The following TACC2 variants were observed in gnomAD, a reference collection of about 807,000 sequenced individuals.
The protein encoded by TACC2 is transforming acidic coiled-coil-containing protein 2.
A neutral mutation model predicts 227.3 loss-of-function variants in TACC2; 137 were observed. The observed-to-expected ratio is 0.60, with a 90% CI of 0.52 to 0.69. The LOEUF (loss-of-function observed/expected upper bound fraction) is 0.69, where lower values mean the gene tolerates loss of function less well. Ranked by LOEUF, TACC2 falls within the 30% of genes least tolerant of loss-of-function variation. The pLI is 0.00. For synonymous variants in TACC2, 1,523 were observed against 1,487.5 expected (o/e 1.02, Z -0.55); for missense variants, 3,470 against 3,694.4 (o/e 0.94, Z 1.57).
chr10:122,232,869 A>G (rs923679230), intron 16 of TACC2, among the ~76,000 whole-genome samples: 7 of 152,188 alleles, frequency 4.6e-5, no homozygotes, highest in African/African-American at 1.4e-4. Flanking sequence ...CATATATTTC[A>G]GCGGTAGGTG....
intron 3 of TACC2, among the ~76,000 whole-genome samples, chr10:122,064,821 T>C (rs2136522985): frequency 6.6e-6 from 1 of 152,330 alleles, no homozygotes; most frequent in East Asian, 1.9e-4. Flanking sequence ...TCCTTTTTTA[T>C]TGGTATCAGA....
chr10:122,083,998 C>A lies in TACC2; in HGVS notation c.1498C>A (p.His500Asn), dbSNP rs200528151. 6.2e-7 allele frequency: 1 copy of A among 1,614,066 alleles called. No individual in the cohort carries two copies. The highest frequency in any genetic ancestry group is 2.2e-5 in the East Asian group (1 of 44,874). The change falls in exon 4 of 23, where the codon CAC (histidine) becomes AAC (asparagine). Residue 500 changes from histidine to asparagine, a missense_variant. Transcript: ENST00000369005. ...CCCATCACCCCAGGAGAGGGGAGAG[C>A]ACTTGAACACGGAGCAAAGCCATGA... Reference protein sequence around the residue: ...PAPSPQERGEHLNTEQSHEVQ... With the variant: ...PAPSPQERGENLNTEQSHEVQ...
intron 16 of TACC2, among the ~76,000 whole-genome samples, chr10:122,235,220 T>C (rs1323710121): frequency 6.6e-6 from 1 of 152,234 alleles, no homozygotes; most frequent in African/African-American, 2.4e-5. Flanking sequence ...CCCCAGTAGC[T>C]GGGATTACAG....
chr10:122,189,168 T>C (rs2094322771), intron 7 of TACC2, among the ~76,000 whole-genome samples: 1 of 152,120 alleles, frequency 6.6e-6, no homozygotes, highest in African/African-American at 2.4e-5. Context: ...GAGGTGTGTG[T>C]GTGTGCAGAG....
chr10:122,041,182 C>T (rs1205391416), intron 2 of TACC2, among the ~76,000 whole-genome samples: 1 of 152,142 alleles, frequency 6.6e-6, no homozygotes, highest in Non-Finnish European at 1.5e-5. Flanking sequence ...AGGAAAGTGC[C>T]ATATATATGT....
intron 1 of TACC2, among the ~76,000 whole-genome samples, chr10:122,010,252 T>A (rs1016671021): frequency 1.3e-5 from 2 of 152,224 alleles, no homozygotes; most frequent in African/African-American, 4.8e-5. Context: ...TTCTTCATGA[T>A]GTTGATACTG....
chr10:122,085,379 G>A lies in TACC2; in HGVS notation c.2879G>A (p.Arg960Lys), dbSNP rs112188313. 8,056 of 1,613,972 alleles carry A rather than the reference G, an allele frequency of 5.0e-3. 50 individuals carry two copies. The highest frequency in any genetic ancestry group is 4.4e-3 in the Non-Finnish European group (5,181 of 1,180,044). The part of the protein sequence containing the change: ...EGACGDGQSS[R>K]VSPPAADVLK... Reference sequence around the variant, plus strand: ...GCATGCGGTGATGGTCAGTCCTCGAGGGTCTCGCCTCCAGCAGCAGATGTC... The same window carrying A: ...GCATGCGGTGATGGTCAGTCCTCGAAGGTCTCGCCTCCAGCAGCAGATGTC... The change falls in exon 4 of 23, where the codon AGG (arginine) becomes AAG (lysine). Residue 960 changes from arginine (R) to lysine (K), a missense_variant. By Grantham distance (26) the Arg-to-Lys change is conservative. Coordinates refer to ENST00000369005, the MANE Select transcript of TACC2 (RefSeq NM_206862.4).
intron 16 of TACC2, 23 bp downstream of exon 16, chr10:122,230,463 G>T: frequency 6.2e-7 from 1 of 1,604,740 alleles, no homozygotes; most frequent in Non-Finnish European, 8.5e-7. Flanking sequence ...TGCTGCGTGC[G>T]CCACCTCCTG....
chr10:122,172,952 A>T (rs1592910694), intron 7 of TACC2, among the ~76,000 whole-genome samples: 1 of 152,114 alleles, frequency 6.6e-6, no homozygotes, highest in African/African-American at 2.4e-5. Context: ...AAGGCTTGTG[A>T]CCAGGAGCCT....
rs111727851 is a variant in TACC2 at position 122,124,150 on chromosome 10, G to A, written c.5574-8459G>A. Among the ~76,000 whole-genome samples the A allele has an allele frequency of 6.7e-3, 1,018 of 152,192 alleles. 11 individuals carry two copies. Among genetic ancestry groups the A allele is most frequent in the African/African-American group, 0.022 (919 of 41,502 alleles). The stretch of plus-strand genomic sequence containing the variant: ...TTAAACATAAATCAGTAATAATACC[G>A]GAGGTCTAAGGTTTTATGTGCAAGG... On this transcript the variant is annotated intron_variant, in intron 5 of 22. Transcript: ENST00000369005.
intron 21 of TACC2, 64 bp from the exon 22 acceptor site, chr10:122,249,480 G>A: frequency 6.3e-7 from 1 of 1,581,382 alleles, no homozygotes; most frequent in Non-Finnish European, 8.6e-7. Flanking sequence ...CTGGACCTGG[G>A]AAGCAGGAGG....
chr10:122,043,483 T>TTC (rs1173684852), intron 2 of TACC2, among the ~76,000 whole-genome samples: 27 of 148,152 alleles, frequency 1.8e-4, no homozygotes, highest in African/African-American at 5.9e-4. Flanking sequence ...CTTTTTCTCT[T>TTC]TCTTTTTCTT....
intron 7 of TACC2, among the ~76,000 whole-genome samples, chr10:122,179,660 G>A (rs1178016411): frequency 6.6e-6 from 1 of 152,122 alleles, no homozygotes; most frequent in African/African-American, 2.4e-5. Flanking sequence ...CAACTCAGGG[G>A]CCAGGCCTGG....
At chr10:122,103,023 G>A (rs941908398) in intron 5 of TACC2, among the ~76,000 whole-genome samples, 2 of 151,976 alleles carry the variant, frequency 1.3e-5, no homozygotes, top group African/African-American at 4.8e-5. Context: ...CTTGCTGCTT[G>A]TACAGCCCAT....
chr10:122,168,484 G>T (rs1477571604), intron 7 of TACC2, among the ~76,000 whole-genome samples: 1 of 152,168 alleles, frequency 6.6e-6, no homozygotes, highest in Non-Finnish European at 1.5e-5. Flanking sequence ...GTGGCCCTGT[G>T]CCTGTGTTCA....
intron 3 of TACC2, among the ~76,000 whole-genome samples, chr10:122,081,301 C>T (rs1042687272): frequency 1.3e-5 from 2 of 150,278 alleles, no homozygotes; most frequent in African/African-American, 2.5e-5. Flanking sequence ...GGGCAGATCA[C>T]GAGGTTAGGA....
At chr10:122,223,809 A>G (rs185378473) in intron 11 of TACC2, among the ~76,000 whole-genome samples, 1 of 152,338 alleles carries the variant, frequency 6.6e-6, no homozygotes, top group East Asian at 1.9e-4. Flanking sequence ...ATGCTTTTTC[A>G]CAGTGGGTTT....
At chr10:122,032,447 G>C (rs1039243490) in intron 2 of TACC2, among the ~76,000 whole-genome samples, 3 of 152,166 alleles carry the variant, frequency 2.0e-5, no homozygotes, top group Admixed American at 2.0e-4. Context: ...TGGAAGGAAA[G>C]ATGCAAGTCT....
At position 122,224,802 on chromosome 10, in the gene TACC2, C is replaced by T. The variant is rs368152608; in HGVS notation, c.7608+15C>T. 1.8e-5 allele frequency: 29 copies of T among 1,611,694 alleles called. No individual in the cohort carries two copies. Among genetic ancestry groups the T allele is most frequent in the Non-Finnish European group, 2.5e-5 (29 of 1,177,914 alleles). On this transcript the variant is annotated intron_variant, in intron 12 of 22. Transcript: ENST00000369005. Reference sequence around the variant, plus strand: ...CCTCCTTACCTGTAAGTTCGTCTGCCTCGGGCCACTTAGGGGACTCGCTTT... The same window carrying T: ...CCTCCTTACCTGTAAGTTCGTCTGCTTCGGGCCACTTAGGGGACTCGCTTT...
Sources: allele counts gnomAD v4.1 joint callset (sites outside exome capture counted in the v4.1 genomes callset), GRCh38; gene constraint gnomAD v4.1.1; transcripts MANE v1.5; gene names NCBI Gene and HGNC (gene_info 2026-07-23, HGNC 2026-07-21).